Variants in ADAM10 observed in about 807,000 individuals in gnomAD.
The protein encoded by ADAM10 is ADAM metallopeptidase domain 10.
Under a neutral mutation model 90.1 loss-of-function variants are expected in ADAM10, and 17 were observed. The observed-to-expected ratio is 0.19, with a 90% CI of 0.13 to 0.28. The LOEUF (loss-of-function observed/expected upper bound fraction) is 0.28. ADAM10 is among the 10% of genes least tolerant of loss of function. ADAM10 has a pLI of 1.00. For synonymous variants in ADAM10, 310 were observed against 298.6 expected, an observed-to-expected ratio of 1.04 and a Z score of -0.40; for missense variants, 610 against 914.3, an observed-to-expected ratio of 0.67 and a Z score of 4.29.
At chr15:58,709,800 T>C (rs569115979) in intron 2 of ADAM10, among the ~76,000 whole-genome samples, 2 of 152,212 alleles carry the variant, frequency 1.3e-5, no homozygotes, top group East Asian at 3.9e-4. Context: ...TAAGCCTGTT[T>C]TAGATTACCT....
rs528752978 is a variant in ADAM10, at chr15:58,712,214, G to GT, written c.206+5362dup. 7.2e-5 allele frequency among the ~76,000 whole-genome samples: 11 copies of GT among 152,116 alleles called. No homozygotes were observed. In the South Asian group the frequency reaches 2.1e-3, roughly 29 times the overall value. On this transcript the variant is annotated intron_variant, in intron 2 of 15. Transcript: ENST00000260408. ...TTAACCTGCATTTTACAAAAACCAC[G>GT]TAAGAAAAATTTCTGGAAATTATAG...
chr15:58,618,729 A>G (rs1415045470), intron 11 of ADAM10, among the ~76,000 whole-genome samples: 1 of 152,228 alleles, frequency 6.6e-6, no homozygotes, highest in South Asian at 2.1e-4. Context: ...AAGAAGACAT[A>G]TAAATTGCTA....
chr15:58,637,673 A>C (rs1896300268), intron 8 of ADAM10, among the ~76,000 whole-genome samples: 1 of 152,196 alleles, frequency 6.6e-6, no homozygotes, highest in South Asian at 2.1e-4. Flanking sequence ...AACATCAAAG[A>C]AAAGGCTAAG....
At chr15:58,728,140 G>T (rs1431881004) in intron 1 of ADAM10, among the ~76,000 whole-genome samples, 1 of 152,150 alleles carries the variant, frequency 6.6e-6, no homozygotes, top group Non-Finnish European at 1.5e-5. Context: ...AAATCTAAGA[G>T]TATGTTTTCT....
At chr15:58,628,980 A>G (rs539398748) in intron 9 of ADAM10, among the ~76,000 whole-genome samples, 1 of 152,152 alleles carries the variant, frequency 6.6e-6, no homozygotes, top group Non-Finnish European at 1.5e-5. Context: ...GCATTTAGCA[A>G]CTCTATACTA....
chr15:58,746,956 A>G (rs1483773984), intron 1 of ADAM10, among the ~76,000 whole-genome samples: 3 of 152,220 alleles, frequency 2.0e-5, no homozygotes, highest in Non-Finnish European at 4.4e-5. Flanking sequence ...TACTACCTTT[A>G]AAGCTCTGGT....
At chr15:58,749,316 G>T (rs1899899218) in intron 1 of ADAM10, among the ~76,000 whole-genome samples, 164 bp downstream of exon 1, 1 of 152,088 alleles carries the variant, frequency 6.6e-6, no homozygotes, top group Non-Finnish European at 1.5e-5. Context: ...AGCGGTCGGG[G>T]CGCGGGGGAC....
chr15:58,610,263 T>C, intron 14 of ADAM10, 34 bp downstream of exon 14: 1 of 1,591,022 alleles, frequency 6.3e-7, no homozygotes, highest in Non-Finnish European at 8.6e-7. Context: ...TCAAACCACT[T>C]TAAGTTTTCT....
rs191798523 is a variant in ADAM10 at position 58,640,727 on chromosome 15, C to T, written c.1012+50G>A. 1,617 of 1,550,604 alleles carry T rather than the reference C, an allele frequency of 1.0e-3. 2 individuals carry two copies. The highest frequency in any genetic ancestry group is 1.3e-3 in the Non-Finnish European group (1,508 of 1,128,166). On this transcript the variant is annotated intron_variant, in intron 8 of 15. Transcript: ENST00000260408. Reference sequence around the variant, plus strand: ...GAAAATTCAACATTCTCTGAAAACTCCCCTTTGTTTCAAGTAGTAAGTTAA... The same window carrying T: ...GAAAATTCAACATTCTCTGAAAACTTCCCTTTGTTTCAAGTAGTAAGTTAA...
At chr15:58,625,712 T>C (rs1895918119) in intron 10 of ADAM10, among the ~76,000 whole-genome samples, 1 of 152,246 alleles carries the variant, frequency 6.6e-6, no homozygotes, top group Non-Finnish European at 1.5e-5. Flanking sequence ...CATGAATGTT[T>C]ACAGCTGCTT....
chr15:58,638,408 G>A (rs1158926351), intron 8 of ADAM10, among the ~76,000 whole-genome samples: 1 of 151,752 alleles, frequency 6.6e-6, no homozygotes, highest in African/African-American at 2.4e-5. Flanking sequence ...GAGGTCAGGA[G>A]ATTGAGACCA....
At chr15:58,745,223 A>T (rs1261024804) in intron 1 of ADAM10, among the ~76,000 whole-genome samples, 1 of 152,246 alleles carries the variant, frequency 6.6e-6, no homozygotes, top group Non-Finnish European at 1.5e-5. Flanking sequence ...TTATATGGAC[A>T]TCATCTCATA....
intron 9 of ADAM10, among the ~76,000 whole-genome samples, chr15:58,628,656 T>G (rs889934374): frequency 1.3e-5 from 2 of 152,100 alleles, no homozygotes; most frequent in Non-Finnish European, 2.9e-5. Flanking sequence ...GCCCCTACCA[T>G]CCTGGGGATA....
At chr15:58,722,473 C>T (rs1191757236) in intron 1 of ADAM10, among the ~76,000 whole-genome samples, 2 of 151,472 alleles carry the variant, frequency 1.3e-5, no homozygotes, top group East Asian at 3.9e-4. Flanking sequence ...GAGTTCAAGG[C>T]CACAGTGAGC....
intron 5 of ADAM10, among the ~76,000 whole-genome samples, chr15:58,652,924 G>A (rs1031755254): frequency 6.6e-6 from 1 of 151,840 alleles, no homozygotes; most frequent in East Asian, 1.9e-4. Context: ...ACTTTTCATT[G>A]TAGAGATCTT....
In ADAM10 at chr15:58,747,084, A is replaced by T. The variant is rs79906557; in HGVS notation, c.55+2396T>A. On this transcript the variant is annotated intron_variant, in intron 1 of 15. Coordinates refer to ENST00000260408, the MANE Select transcript of ADAM10 (RefSeq NM_001110.4). ...TGAAGTTCATTTCGGGCATGATTTCATCAAACCAAAACATTATGGAATTTA... is the reference window on the plus strand; with the variant it reads ...TGAAGTTCATTTCGGGCATGATTTCTTCAAACCAAAACATTATGGAATTTA... Among the ~76,000 whole-genome samples, 986 of 152,346 alleles carry T rather than the reference A, an allele frequency of 6.5e-3. 18 individuals carry two copies. The highest frequency in any genetic ancestry group is 0.023 in the African/African-American group (940 of 41,576).
At chr15:58,716,285 TG>T (rs1898656696) in intron 2 of ADAM10, among the ~76,000 whole-genome samples, 1 of 152,146 alleles carries the variant, frequency 6.6e-6, no homozygotes, top group Non-Finnish European at 1.5e-5. Flanking sequence ...GTAGCCAGGA[TG>T]CCTGCTGTGA....
Position 58,645,136 on chromosome 15 carries a change from T to C in ADAM10, c.735+919A>G, listed in dbSNP as rs546994712. ...CATAAACATAAAACATAAAACAAGA[T>C]GGTCAAGTAAAAGCATTAACAATAA... is the stretch of plus-strand genomic sequence containing the variant. On this transcript the variant is annotated intron_variant, in intron 6 of 15. Transcript: ENST00000260408. Among the ~76,000 whole-genome samples, 12 of 152,288 alleles carry C rather than the reference T, an allele frequency of 7.9e-5. No homozygotes were observed. In the East Asian group the frequency reaches 1.3e-3, roughly 17 times the overall value.
At chr15:58,698,594 T>C (rs1415244128) in intron 2 of ADAM10, among the ~76,000 whole-genome samples, 6 of 141,058 alleles carry the variant, frequency 4.3e-5, no homozygotes, top group Non-Finnish European at 7.7e-5. Context: ...AAAAAAAAGA[T>C]AGACAGATAT....
Sources: allele counts gnomAD v4.1 joint callset (sites outside exome capture counted in the v4.1 genomes callset), GRCh38; gene constraint gnomAD v4.1.1; transcripts MANE v1.5; gene names NCBI Gene and HGNC (gene_info 2026-07-23, HGNC 2026-07-21).